Variants in CDAN1 observed in about 807,000 individuals in gnomAD.
CDAN1 encodes codanin 1, also known as codanin-1.
Under a neutral mutation model 139.8 loss-of-function variants are expected in CDAN1, and 107 were observed. That is an observed-to-expected ratio of 0.77 (90% CI 0.65 to 0.90). The LOEUF is 0.90. Ranked by LOEUF, CDAN1 falls within the 40% of genes least tolerant of loss-of-function variation. The probability of loss-of-function intolerance (pLI) is 0.00; values close to 1 mark genes in which losing one functional copy is unlikely to be tolerated. For synonymous variants in CDAN1, 776 were observed against 660.6 expected (o/e 1.17, Z -2.68); for missense variants, 1,667 against 1,575.7 (o/e 1.06, Z -0.98).
At chr15:42,732,291 C>T (rs1230064316) in intron 10 of CDAN1, 42 bp downstream of exon 10, 2 of 1,570,888 alleles carry the variant, frequency 1.3e-6, no homozygotes, top group Admixed American at 1.7e-5. Context: ...GCCTGTGATG[C>T]CTGCTGTTTA....
chr15:42,730,241 G>A (rs780706486), intron 14 of CDAN1, 26 bp from the exon 15 acceptor site: 4 of 1,600,516 alleles, frequency 2.5e-6, no homozygotes, highest in East Asian at 2.2e-5. Flanking sequence ...GCAGTACACG[G>A]GTTTGAGCAG....
At chr15:42,726,000 A>AAAAAAAAAC in intron 25 of CDAN1, 97 bp downstream of exon 25, 1 of 823,030 alleles carries the variant, frequency 1.2e-6, no homozygotes, top group Non-Finnish European at 2.0e-6. Flanking sequence ...AAAAAAAAAA[A>AAAAAAAAAC]GGGACAGAAG....
Position 42,733,969 on chromosome 15 carries a change from C to A in CDAN1, c.1336G>T (p.Asp446Tyr). The change falls in exon 8 of 28, where the codon GAC becomes TAC. Residue 446 changes from aspartate (D) to tyrosine (Y), a missense_variant. Physicochemically the swap from Asp to Tyr is radical, Grantham distance 160. Around this residue, in one of 3 missense-constraint regions of CDAN1, gnomAD observed 244 missense variants for 309.4 expected, o/e 0.79. Transcript: ENST00000356231. The stretch of plus-strand genomic sequence containing the variant: ...TTCTTAAAAGTATGAAAGGCTCGGT[C>A]ACTGGAGAAGTTGGCACGATTGTCA... ...ETDNRANFSS[D>Y]RAFHTFKKQR... 1.9e-6 allele frequency: 3 copies of A among 1,613,992 alleles called. No individual in the cohort carries two copies. The South Asian group carries it at 3.3e-5, about 18-fold the overall frequency.
chr15:42,731,988 T>G (rs2061619336), intron 10 of CDAN1, among the ~76,000 whole-genome samples, 163 bp from the exon 11 acceptor site: 1 of 152,256 alleles, frequency 6.6e-6, no homozygotes, highest in Non-Finnish European at 1.5e-5. Context: ...GTTTCACAGG[T>G]GAAGAAACTT....
At chr15:42,733,752 C>T (rs2061647271) in intron 8 of CDAN1, among the ~76,000 whole-genome samples, 186 bp downstream of exon 8, 1 of 152,194 alleles carries the variant, frequency 6.6e-6, no homozygotes, top group Admixed American at 6.5e-5. Flanking sequence ...TTGCTAAGCG[C>T]CGGGGTTCAC....
rs1303061140 is a variant in CDAN1 at position 42,734,354 on chromosome 15, G to A, written c.1137-8C>T. On this transcript the variant is annotated splice_region_variant and splice_polypyrimidine_tract_variant and intron_variant, in intron 6 of 27. Transcript: ENST00000356231. ...TCCAGGTTGGAAAGAACCCTGCAGG[G>A]ACAAGAGCACCTATGACTGAGACCA... is the stretch of plus-strand genomic sequence containing the variant. 1 of 1,614,020 alleles carries A rather than the reference G, an allele frequency of 6.2e-7. No homozygotes were observed. The highest frequency in any genetic ancestry group is 8.5e-7 in the Non-Finnish European group (1 of 1,180,020).
chr15:42,726,606 G>A, intron 23 of CDAN1, 189 bp from the exon 24 acceptor site: 1 of 602,598 alleles, frequency 1.7e-6, no homozygotes, highest in Non-Finnish European at 3.0e-6. Context: ...GCAACCATGT[G>A]GACAACAAAA....
intron 26 of CDAN1, 96 bp downstream of exon 26, chr15:42,725,393 G>A: frequency 6.5e-7 from 1 of 1,526,772 alleles, no homozygotes; most frequent in South Asian, 1.1e-5. Flanking sequence ...GAACAGGAAG[G>A]GGAAATAAAG....
chr15:42,729,143 G>C lies in CDAN1; in HGVS notation c.2542-17C>G. 2 of 1,613,966 alleles carry C rather than the reference G, an allele frequency of 1.2e-6. No homozygotes were observed. The highest frequency in any genetic ancestry group is 1.7e-6 in the Non-Finnish European group (2 of 1,179,846). On this transcript the variant is annotated splice_polypyrimidine_tract_variant and intron_variant, in intron 18 of 27. Transcript: ENST00000356231. ...GAGCTGTGCCTGGGGGGAGGAGGGA[G>C]AGGCAGCAAGGCTTCCTCCAGCCTC...
chr15:42,728,588 A>G (rs1394236936), intron 20 of CDAN1, 64 bp downstream of exon 20: 4 of 1,595,300 alleles, frequency 2.5e-6, no homozygotes, highest in Non-Finnish European at 3.4e-6. Flanking sequence ...GTAAGTGTGA[A>G]GGAGGAAAGA....
chr15:42,726,724 A>C (rs919210110), intron 23 of CDAN1: 17 of 455,158 alleles, frequency 3.7e-5, no homozygotes, highest in Admixed American at 2.6e-4. Flanking sequence ...AGGGCATCTT[A>C]TTCTTGAAGC....
At position 42,731,010 on chromosome 15, in the gene CDAN1, C is replaced by G; in HGVS notation, c.1922G>C (p.Gly641Ala). 6.2e-7 allele frequency: 1 copy of G among 1,614,132 alleles called. No homozygotes were observed. Among genetic ancestry groups the G allele is most frequent in the Non-Finnish European group, 8.5e-7 (1 of 1,180,018 alleles). ...LSLRLLAKFL[G>A]FVAFLPYRGP... ...CCGGTATGGCAGGAAAGCCACAAAGCCCAGGAATTTAGCCAAAAGTCTCAG... is the reference window on the plus strand; with the variant it reads ...CCGGTATGGCAGGAAAGCCACAAAGGCCAGGAATTTAGCCAAAAGTCTCAG... The change falls in exon 13 of 28, where the codon GGC (glycine) becomes GCC (alanine). Residue 641 changes from glycine (G) to alanine (A), a missense_variant. This residue lies in a region of CDAN1 where 936 missense variants were observed against 844.1 expected (regional missense o/e 1.11). Transcript: ENST00000356231.
At chr15:42,729,704 G>T in intron 16 of CDAN1, 82 bp from the exon 17 acceptor site, 1 of 1,592,710 alleles carries the variant, frequency 6.3e-7, no homozygotes, top group Non-Finnish European at 8.6e-7. Context: ...GCCTTTACAA[G>T]GGTTACATCT....
rs1176740693 is a variant in CDAN1 at position 42,735,882 on chromosome 15, T to TCCTGAGCATCTCTCGCTCCTC, written c.745_765dup (p.Glu249_Arg255dup). The stretch of plus-strand genomic sequence containing the variant: ...GGAGCGGCCAGGCCATACCGCTCCT[T>TCCTGAGCATCTCTCGCTCCTC]CCTGAGCATCTCTCGCTCCTCTTGC... On this transcript the variant is annotated inframe_insertion, in exon 3 of 28. Transcript: ENST00000356231. 6.2e-7 allele frequency: 1 copy of TCCTGAGCATCTCTCGCTCCTC among 1,613,960 alleles called. No individual in the cohort carries two copies. Among genetic ancestry groups the TCCTGAGCATCTCTCGCTCCTC allele is most frequent in the Admixed American group, 1.7e-5 (1 of 60,000 alleles).
At position 42,732,392 on chromosome 15, in the gene CDAN1, G is replaced by C; in HGVS notation, c.1474C>G (p.Leu492Val). ...TGGCTGTGGCTGCAGGCTGCGGAGA[G>C]CTGACCCATCATGGCCCTGAGGAAT... ...GSRIRAMMGQ[L>V]SAACSHSHFV... Residue 492 changes from leucine to valine, a missense_variant, in exon 10 of 28, where the codon CTC (leucine) becomes GTC (valine). By Grantham distance (32) the Leu-to-Val change is conservative (BLOSUM62 1). Around this residue, in one of 3 missense-constraint regions of CDAN1, gnomAD observed 244 missense variants for 309.4 expected, o/e 0.79. Coordinates refer to ENST00000356231, the MANE Select transcript of CDAN1 (RefSeq NM_138477.4). The C allele has an allele frequency of 6.2e-7, 1 of 1,614,082 alleles. No individual in the cohort carries two copies. Among genetic ancestry groups the C allele is most frequent in the East Asian group, 2.2e-5 (1 of 44,882 alleles).
At position 42,731,642 on chromosome 15, in the gene CDAN1, C is replaced by T. The variant is rs562121628; in HGVS notation, c.1717G>A (p.Asp573Asn). The T allele has an allele frequency of 2.5e-6, 4 of 1,614,162 alleles. No homozygotes were observed. The highest frequency in any genetic ancestry group is 3.4e-6 in the Non-Finnish European group (4 of 1,180,030). The change falls in exon 11 of 28, where the codon GAC becomes AAC. Residue 573 changes from aspartate to asparagine, a missense_variant. Physicochemically the swap from Asp to Asn is conservative, Grantham distance 23. Around this residue, in one of 3 missense-constraint regions of CDAN1, gnomAD observed 936 missense variants for 844.1 expected, o/e 1.11. Transcript: ENST00000356231. ...TFPGCQGFFR[D>N]FILSASSFQF... The stretch of plus-strand genomic sequence containing the variant: ...TACCTGCTGGCACTAAGGATGAAGT[C>T]CCTAAAGAAGCCTTGACAGCCTGGG...
At position 42,725,144 on chromosome 15, in the gene CDAN1, C is replaced by G; in HGVS notation, c.3558G>C (p.Gly1186=). 8 of 1,611,332 alleles carry G rather than the reference C, an allele frequency of 5.0e-6. No homozygotes were observed. Among genetic ancestry groups the G allele is most frequent in the Non-Finnish European group, 6.8e-6 (8 of 1,177,470 alleles). The change falls in exon 27 of 28, where the codon GGG becomes GGC. Residue 1186 remains glycine, a splice_region_variant and synonymous_variant. Transcript: ENST00000356231. The part of the protein sequence containing the change: ...LGSLHQAQWP[G]DFAEELATLS... ...ACCTAAAAGACAGGAGACTCCTTAC[C>G]CCTGGCCACTGGGCCTGGTGGAGGC... is the stretch of plus-strand genomic sequence containing the variant.
Position 42,725,558 on chromosome 15 carries a change from C to A in CDAN1, c.3381G>T (p.Gly1127=), listed in dbSNP as rs755921440. The change falls in exon 26 of 28, where the codon GGG becomes GGT. Residue 1127 remains glycine (G), a synonymous_variant. Coordinates refer to ENST00000356231, the MANE Select transcript of CDAN1 (RefSeq NM_138477.4). ...TCAGCAGCAGCTGCAGCGGAACCGG[C>A]CCCTGAAAGTCTTCCTTCCACAAGG... The part of the protein sequence containing the change: ...LLSLWKEDFQ[G]PVPLQLLLSP... 2 of 1,614,044 alleles carry A rather than the reference C, an allele frequency of 1.2e-6. No homozygotes were observed. Among genetic ancestry groups the A allele is most frequent in the African/African-American group, 1.3e-5 (1 of 74,916 alleles).
chr15:42,727,496 G>A (rs548338627), intron 23 of CDAN1, 125 bp downstream of exon 23: 2 of 859,472 alleles, frequency 2.3e-6, no homozygotes, highest in Admixed American at 6.3e-5. Context: ...GTGAAACGGG[G>A]ACTAGCTGGA....
Sources: gnomAD v4.1 joint callset for allele counts (sites outside exome capture counted in the v4.1 genomes callset) on GRCh38, gnomAD v4.1.1 for gene constraint, gnomAD v4.1.1 regional missense constraint, MANE v1.5 for transcripts, NCBI Gene and HGNC (gene_info 2026-07-23, HGNC 2026-07-21) for gene names.